The following ABCA12 variants were observed in gnomAD, a reference collection of about 807,000 sequenced individuals.
ABCA12 encodes ATP binding cassette subfamily A member 12.
ABCA12 carries 156 observed loss-of-function variants against 293.5 expected under a neutral mutation model. The ratio of observed to expected loss-of-function variants is 0.53; its 90% CI spans 0.47 to 0.61. ABCA12 has a LOEUF of 0.61. Ranked by LOEUF, ABCA12 falls within the 20% of genes least tolerant of loss-of-function variation. ABCA12 has a pLI of 0.00. For synonymous variants in ABCA12, 1,063 were observed against 1,108.0 expected (o/e 0.96, Z 0.81); for missense variants, 2,797 against 3,090.2 (o/e 0.91, Z 2.25).
chr2:214,967,647 G>T (rs528232595), intron 38 of ABCA12, among the ~76,000 whole-genome samples: 1 of 152,198 alleles, frequency 6.6e-6, no homozygotes, highest in African/African-American at 2.4e-5. Flanking sequence ...GAAAGAAAAG[G>T]AAAGCACTGA....
At chr2:215,056,301 C>T (rs950728417) in intron 3 of ABCA12, among the ~76,000 whole-genome samples, 3 of 152,070 alleles carry the variant, frequency 2.0e-5, no homozygotes, top group Admixed American at 6.6e-5. Context: ...GAAACGAAAC[C>T]TAAAATTACT....
intron 14 of ABCA12, 101 bp from the exon 15 acceptor site, chr2:215,015,764 A>G: frequency 9.3e-7 from 1 of 1,073,514 alleles, no homozygotes; most frequent in Non-Finnish European, 1.4e-6. Context: ...AAACTAAAAC[A>G]AAAGGTCCTC....
chr2:215,085,087 C>CAAA (rs1575033701), intron 2 of ABCA12, among the ~76,000 whole-genome samples: 1 of 77,638 alleles, frequency 1.3e-5, no homozygotes. Context: ...GACCCTGTCT[C>CAAA]CAAAAAAAAA....
chr2:215,112,648 C>T (rs1702601740), intron 1 of ABCA12, among the ~76,000 whole-genome samples: 1 of 151,870 alleles, frequency 6.6e-6, no homozygotes, highest in Non-Finnish European at 1.5e-5. Context: ...CAGGCACCCG[C>T]CACCACGCCT....
chr2:214,999,411 G>C (rs1474666089), intron 22 of ABCA12, among the ~76,000 whole-genome samples: 2 of 152,068 alleles, frequency 1.3e-5, no homozygotes, highest in African/African-American at 2.4e-5. Flanking sequence ...CTGGATTTCA[G>C]TTTTTTCATC....
Position 215,024,085 on chromosome 2 carries a change from C to CT in ABCA12, c.1287+1587dup, listed in dbSNP as rs1412295223. 3.3e-5 allele frequency among the ~76,000 whole-genome samples: 5 copies of CT among 152,170 alleles called. No homozygotes were observed. The East Asian group carries it at 5.8e-4, about 18-fold the overall frequency. ...CCTCTATCTTCTTAAACTCAGGACT[C>CT]TATGTCTAGAATGCACAACTAACCT... On this transcript the variant is annotated intron_variant, in intron 11 of 52. Coordinates refer to ENST00000272895, the MANE Select transcript of ABCA12 (RefSeq NM_173076.3).
At chr2:215,068,234 G>C (rs1371878019) in intron 2 of ABCA12, among the ~76,000 whole-genome samples, 1 of 152,192 alleles carries the variant, frequency 6.6e-6, no homozygotes, top group Non-Finnish European at 1.5e-5. Flanking sequence ...TCATCAGTCT[G>C]TGTTTTAATA....
rs73074497 is a variant in ABCA12, at chr2:215,113,280, T to C, written c.70-1590A>G. 5.3e-3 allele frequency among the ~76,000 whole-genome samples: 813 copies of C among 152,370 alleles called. 13 individuals carry two copies. The highest frequency in any genetic ancestry group is 0.019 in the African/African-American group (789 of 41,586). On this transcript the variant is annotated intron_variant, in intron 1 of 52. Coordinates refer to ENST00000272895, the MANE Select transcript of ABCA12 (RefSeq NM_173076.3). ...TCACCAACTTCTTAGACGTTGGGTATAATGGTAAGTTTTCAAAAATGGAAG... is the reference window on the plus strand; with the variant it reads ...TCACCAACTTCTTAGACGTTGGGTACAATGGTAAGTTTTCAAAAATGGAAG...
chr2:215,112,106 C>T (rs1559200725), intron 1 of ABCA12, among the ~76,000 whole-genome samples: 1 of 152,102 alleles, frequency 6.6e-6, no homozygotes, highest in Non-Finnish European at 1.5e-5. Context: ...TATTTTAGCC[C>T]TTTCAATGTC....
intron 2 of ABCA12, among the ~76,000 whole-genome samples, chr2:215,089,418 T>G (rs1420322155): frequency 1.3e-5 from 2 of 152,300 alleles, no homozygotes; most frequent in Admixed American, 1.3e-4. Context: ...AAGAGCTACA[T>G]TTTACTAATT....
intron 3 of ABCA12, among the ~76,000 whole-genome samples, chr2:215,061,834 C>T (rs1480845482): frequency 6.6e-6 from 1 of 152,016 alleles, no homozygotes; most frequent in East Asian, 1.9e-4. Flanking sequence ...ACTTCCAAAA[C>T]CAACTCAGTG....
intron 2 of ABCA12, among the ~76,000 whole-genome samples, chr2:215,091,915 T>A (rs1349807881): frequency 6.6e-6 from 1 of 152,176 alleles, no homozygotes; most frequent in Admixed American, 6.5e-5. Flanking sequence ...AGCCCAGGAT[T>A]CCTCCTAAGC....
In ABCA12 at chr2:215,026,835, C is replaced by A; in HGVS notation, c.1165G>T (p.Ala389Ser). 6.2e-7 allele frequency: 1 copy of A among 1,609,572 alleles called. No individual in the cohort carries two copies. The highest frequency in any genetic ancestry group is 8.5e-7 in the Non-Finnish European group (1 of 1,175,990). The change falls in exon 10 of 53, where the codon GCC (alanine) becomes TCC (serine). Residue 389 changes from alanine (A) to serine (S), a missense_variant. Around this residue, in one of 3 missense-constraint regions of ABCA12, gnomAD observed 656 missense variants for 638.2 expected, o/e 1.03. Transcript: ENST00000272895. ...ACAGTATTACCTGGTGAACCTCTGG[C>A]CAAACTGTCAGTCACATTTCTCACA... ...ACVRNVTDSLARGSPENLRLL... is the reference protein window; with the variant it reads ...ACVRNVTDSLSRGSPENLRLL...
Position 214,990,368 on chromosome 2 carries a change from C to T in ABCA12, c.3624+334G>A, listed in dbSNP as rs193002864. ...AATTGTTCACATATGAGAATAATTC[C>T]AATACTAGAGGCTCCAAGACGTTTC... On this transcript the variant is annotated intron_variant, in intron 24 of 52. Coordinates refer to ENST00000272895, the MANE Select transcript of ABCA12 (RefSeq NM_173076.3). 4.6e-5 allele frequency among the ~76,000 whole-genome samples: 7 copies of T among 152,112 alleles called. No individual in the cohort carries two copies. The East Asian group carries it at 1.2e-3, about 25-fold the overall frequency.
At chr2:215,054,720 G>A in intron 3 of ABCA12, 56 bp from the exon 4 acceptor site, 2 of 1,358,208 alleles carry the variant, frequency 1.5e-6, no homozygotes, top group Non-Finnish European at 2.1e-6. Context: ...TTTAGTTACA[G>A]CAATGTATTA....
Position 215,064,419 on chromosome 2 carries a change from C to T in ABCA12, c.164-200G>A, listed in dbSNP as rs113213234. On this transcript the variant is annotated intron_variant, in intron 2 of 52. Coordinates refer to ENST00000272895, the MANE Select transcript of ABCA12 (RefSeq NM_173076.3). ...GGTGTTATGTTTAACTTCCCTTTTC[C>T]GGATTTGCTAATACGTATAAAAACA... Among the ~76,000 whole-genome samples, 288 of 152,024 alleles carry T rather than the reference C, an allele frequency of 1.9e-3. 1 individual carries two copies. The highest frequency in any genetic ancestry group is 6.3e-3 in the African/African-American group (261 of 41,494).
chr2:215,113,211 C>G (rs1702614984), intron 1 of ABCA12, among the ~76,000 whole-genome samples: 1 of 152,180 alleles, frequency 6.6e-6, no homozygotes, highest in Non-Finnish European at 1.5e-5. Flanking sequence ...ACTAAAATCT[C>G]CATTTTGTGT....
chr2:215,013,860 C>T (rs183887449), intron 15 of ABCA12, among the ~76,000 whole-genome samples: 1 of 152,276 alleles, frequency 6.6e-6, no homozygotes. Flanking sequence ...GTGGAACTAA[C>T]ATACTAGTGG....
chr2:215,102,059 GTGTT>G (rs912939322), intron 2 of ABCA12, among the ~76,000 whole-genome samples: 10 of 152,054 alleles, frequency 6.6e-5, no homozygotes, highest in African/African-American at 2.4e-4. Context: ...CTATGTATGT[GTGTT>G]TGTGAGTATT....
Sources: allele counts gnomAD v4.1 joint callset (sites outside exome capture counted in the v4.1 genomes callset), GRCh38; gene constraint gnomAD v4.1.1; regional missense constraint gnomAD v4.1.1; transcripts MANE v1.5; gene names NCBI Gene and HGNC (gene_info 2026-07-23, HGNC 2026-07-21).